CLVS1: variants seen among roughly 807,000 people sequenced by gnomAD.
CLVS1 encodes the protein clavesin 1, also known as clavesin-1.
A neutral mutation model predicts 33.1 loss-of-function variants in CLVS1; 10 were observed. The ratio of observed to expected loss-of-function variants is 0.30; its 90% CI spans 0.19 to 0.51. The LOEUF (loss-of-function observed/expected upper bound fraction) is 0.51, where lower values mean the gene tolerates loss of function less well. Ranked by LOEUF, CLVS1 falls within the 20% of genes least tolerant of loss-of-function variation. CLVS1 has a pLI of 0.97. For synonymous variants in CLVS1, 163 were observed against 166.1 expected (o/e 0.98, Z 0.14); for missense variants, 343 against 433.4 (o/e 0.79, Z 1.85).
chr8:61,290,118 C>T lies in CLVS1; in HGVS notation c.-152+1980C>T, dbSNP rs755934681. On this transcript the variant is annotated intron_variant, in intron 1 of 5. Transcript: ENST00000325897. ...TTTAAGAGTGTACATATTGCCAATT[C>T]TAGCTGCTTCACACCAGAAACGCAG... Among the ~76,000 whole-genome samples the T allele has an allele frequency of 2.8e-4, 43 of 152,168 alleles. 1 individual carries two copies. The highest frequency in any genetic ancestry group is 5.0e-4 in the Non-Finnish European group (34 of 68,030).
At chr8:61,343,254 G>A (rs1585830403) in intron 2 of CLVS1, among the ~76,000 whole-genome samples, 1 of 152,258 alleles carries the variant, frequency 6.6e-6, no homozygotes, top group African/African-American at 2.4e-5. Flanking sequence ...TTTTTCAAAA[G>A]ATAAAAATAT....
the CLVS1 span, among the ~76,000 whole-genome samples, chr8:61,025,328 T>C: frequency 6.6e-6 from 1 of 152,246 alleles, no homozygotes; most frequent in African/African-American, 2.4e-5. Context: ...TTATTTTGCA[T>C]GTGTTAGGTT....
At position 61,428,499 on chromosome 8, in the gene CLVS1, G is replaced by C. The variant is rs75381928; in HGVS notation, c.631-25642G>C. Among the ~76,000 whole-genome samples the C allele has an allele frequency of 7.0e-3, 1,067 of 152,320 alleles. 23 individuals carry two copies. Among genetic ancestry groups the C allele is most frequent in the Admixed American group, 0.036 (554 of 15,298 alleles). ...CCTCCAGAATAAGAACCTAGGAAAT[G>C]TGTACCTTCTGAGAATTGTTCCCTT... On this transcript the variant is annotated intron_variant, in intron 3 of 5. Coordinates refer to ENST00000325897, the MANE Select transcript of CLVS1 (RefSeq NM_173519.3).
At chr8:61,293,410 C>G (rs543479635) in intron 1 of CLVS1, among the ~76,000 whole-genome samples, 22 of 152,250 alleles carry the variant, frequency 1.4e-4, no homozygotes, top group African/African-American at 5.3e-4. Flanking sequence ...TCTGAAAATT[C>G]ATCCATCAGA....
chr8:61,117,215 T>C (rs1805746268), intron 1 of CLVS1, among the ~76,000 whole-genome samples: 1 of 110,948 alleles, frequency 9.0e-6, no homozygotes. Flanking sequence ...TTTTGTACAT[T>C]GATTTTGTAT....
At chr8:61,057,137 G>T (rs945495612), upstream of CLVS1, 12 of 152,132 alleles carry the variant, frequency 7.9e-5, no homozygotes, top group African/African-American at 2.9e-4. Context: ...TGCAGAAAAG[G>T]CTTTTCTGCA....
chr8:61,167,464 G>C (rs1404134088), intron 2 of CLVS1, among the ~76,000 whole-genome samples: 1 of 152,074 alleles, frequency 6.6e-6, no homozygotes. Flanking sequence ...TTACAGGTGT[G>C]AGCCACCGTG....
At chr8:61,056,305 CT>C (rs892032464), upstream of CLVS1, among the ~76,000 whole-genome samples, 1 of 152,122 alleles carries the variant, frequency 6.6e-6, no homozygotes, top group Non-Finnish European at 1.5e-5. Flanking sequence ...TTAATTTCCC[CT>C]TTTTTGCTAT....
At chr8:61,153,321 C>G (rs937471768) in intron 2 of CLVS1, among the ~76,000 whole-genome samples, 14 of 152,216 alleles carry the variant, frequency 9.2e-5, no homozygotes, top group African/African-American at 2.9e-4. Flanking sequence ...CTTTTGATGC[C>G]TAATCAAGAA....
chr8:61,404,459 T>A, intron 3 of CLVS1, among the ~76,000 whole-genome samples: 1 of 152,212 alleles, frequency 6.6e-6, no homozygotes, highest in East Asian at 1.9e-4. Flanking sequence ...TGGGAACTTT[T>A]TTTCAAAAGT....
chr8:61,473,224 A>G (rs1459158562), intron 5 of CLVS1, among the ~76,000 whole-genome samples: 1 of 151,960 alleles, frequency 6.6e-6, no homozygotes, highest in Non-Finnish European at 1.5e-5. Flanking sequence ...TGGAAGGACC[A>G]GTGTCAGGAA....
the CLVS1 span, among the ~76,000 whole-genome samples, chr8:61,019,722 C>A: frequency 6.6e-6 from 1 of 152,086 alleles, no homozygotes; most frequent in East Asian, 1.9e-4. Context: ...ACAATTTTCC[C>A]AAACATATCA....
intron 2 of CLVS1, among the ~76,000 whole-genome samples, chr8:61,184,701 G>T (rs146939767): frequency 1.3e-5 from 2 of 152,224 alleles, no homozygotes; most frequent in East Asian, 3.9e-4. Flanking sequence ...AACAAAAGAT[G>T]CCAGGAAGTT....
intron 2 of CLVS1, among the ~76,000 whole-genome samples, chr8:61,158,307 A>G (rs933548256): frequency 6.6e-6 from 1 of 152,110 alleles, no homozygotes; most frequent in African/African-American, 2.4e-5. Flanking sequence ...ATCAGTGGCT[A>G]TTTCTGGAGG....
rs557290689 is a variant in CLVS1, at chr8:61,393,422, T to C, written c.630+16643T>C. 2.0e-5 allele frequency among the ~76,000 whole-genome samples: 3 copies of C among 152,396 alleles called. No homozygotes were observed. The South Asian group carries it at 6.2e-4, about 32-fold the overall frequency. ...ATCTGGCGATTAAGAGATTTCTTCT[T>C]GGTTTGTAAACACTGCTGGAGAGCT... On this transcript the variant is annotated intron_variant, in intron 3 of 5. Transcript: ENST00000325897.
chr8:61,203,230 A>G (rs1321789024), intron 2 of CLVS1: 16 of 1,058,882 alleles, frequency 1.5e-5, no homozygotes, highest in Non-Finnish European at 2.3e-5. Context: ...CTCTTTAAGA[A>G]AATAGTTTAA....
intron 2 of CLVS1, among the ~76,000 whole-genome samples, chr8:61,167,058 G>T (rs1330781885): frequency 6.6e-6 from 1 of 151,382 alleles, no homozygotes; most frequent in African/African-American, 2.4e-5. Context: ...TTTTGCCAAA[G>T]ATAATGTAAA....
intron 2 of CLVS1, among the ~76,000 whole-genome samples, chr8:61,328,887 A>G (rs776874550): frequency 2.6e-5 from 4 of 152,198 alleles, no homozygotes; most frequent in Non-Finnish European, 5.9e-5. Flanking sequence ...TGTTGAGGGG[A>G]ATAAATTAAG....
rs546321389 is a variant in CLVS1, at chr8:61,307,801, T to C, written c.455+7519T>C. Reference sequence around the variant, plus strand: ...TAACCACCCCTTGAATGGTGTACATTGCACCCAATAGGTAATTTCTTGCTT... The same window carrying C: ...TAACCACCCCTTGAATGGTGTACATCGCACCCAATAGGTAATTTCTTGCTT... On this transcript the variant is annotated intron_variant, in intron 2 of 5. Coordinates refer to ENST00000325897, the MANE Select transcript of CLVS1 (RefSeq NM_173519.3). 8.5e-5 allele frequency among the ~76,000 whole-genome samples: 13 copies of C among 152,258 alleles called. No homozygotes were observed. The East Asian group carries it at 2.5e-3, about 29-fold the overall frequency.
Sources: allele counts gnomAD v4.1 joint callset (sites outside exome capture counted in the v4.1 genomes callset), GRCh38; gene constraint gnomAD v4.1.1; transcripts MANE v1.5; gene names NCBI Gene and HGNC (gene_info 2026-07-23, HGNC 2026-07-21).